EPB41L5: variants seen among roughly 807,000 people sequenced by gnomAD.
EPB41L5 encodes band 4.1-like protein 5.
Under a neutral mutation model 106.6 loss-of-function variants are expected in EPB41L5, and 55 were observed. The ratio of observed to expected loss-of-function variants is 0.52; its 90% CI spans 0.42 to 0.65. EPB41L5 has a LOEUF of 0.65. Among genes scored for constraint, EPB41L5 ranks in the 30% least tolerant of loss-of-function variants. EPB41L5 has a pLI of 0.00. For missense variants in EPB41L5, 871 were observed against 882.1 expected, an observed-to-expected ratio of 0.99 and a Z score of 0.16; for synonymous variants, 297 against 306.7, an observed-to-expected ratio of 0.97 and a Z score of 0.33.
At chr2:120,032,815 A>G (rs191238741) in intron 2 of EPB41L5, among the ~76,000 whole-genome samples, 1 of 152,320 alleles carries the variant, frequency 6.6e-6, no homozygotes, top group East Asian at 1.9e-4. Context: ...TAACATTCAC[A>G]TTTATTGTGT....
chr2:120,147,380 C>T (rs1011486753), intron 20 of EPB41L5, among the ~76,000 whole-genome samples: 1 of 151,966 alleles, frequency 6.6e-6, no homozygotes, highest in Non-Finnish European at 1.5e-5. Flanking sequence ...TGGTGGCTCA[C>T]GCCTGTAGTC....
chr2:120,013,513 C>G (rs907847046), intron 1 of EPB41L5: 2 of 152,246 alleles, frequency 1.3e-5, no homozygotes, highest in Non-Finnish European at 2.9e-5. Flanking sequence ...GACGCGCTCC[C>G]CGAGCCGCGG....
intron 16 of EPB41L5, among the ~76,000 whole-genome samples, chr2:120,125,415 A>G (rs1685414013): frequency 6.6e-6 from 1 of 152,166 alleles, no homozygotes; most frequent in Non-Finnish European, 1.5e-5. Context: ...GGAGGCACTT[A>G]GCTCATGGGA....
At chr2:120,060,168 G>A (rs1680939386) in intron 3 of EPB41L5, among the ~76,000 whole-genome samples, 4 of 152,206 alleles carry the variant, frequency 2.6e-5, no homozygotes, top group Admixed American at 2.6e-4. Flanking sequence ...TGTTGGGATT[G>A]TAAAGTGATA....
intron 14 of EPB41L5, among the ~76,000 whole-genome samples, chr2:120,094,208 A>G (rs1404561415): frequency 6.6e-6 from 1 of 152,044 alleles, no homozygotes; most frequent in Non-Finnish European, 1.5e-5. Flanking sequence ...GCTGGTCTCA[A>G]ACTCCTGGGC....
At chr2:120,052,732 G>A (rs1014392421) in intron 3 of EPB41L5, among the ~76,000 whole-genome samples, 2 of 152,120 alleles carry the variant, frequency 1.3e-5, no homozygotes, top group Non-Finnish European at 2.9e-5. Context: ...ATCTTGCAGT[G>A]CCCTACTCCA....
chr2:120,088,674 T>C (rs1479308217), intron 11 of EPB41L5, among the ~76,000 whole-genome samples: 1 of 152,220 alleles, frequency 6.6e-6, no homozygotes, highest in African/African-American at 2.4e-5. Context: ...CCAAACCTCT[T>C]TCCAAAGTAT....
rs1321310503 is a variant in EPB41L5, at chr2:120,075,688, GT to G, written c.453-9del. 8 of 1,611,200 alleles carry G rather than the reference GT, an allele frequency of 5.0e-6. No individual in the cohort carries two copies. The Admixed American group carries it at 5.0e-5, about 10-fold the overall frequency. ...AAATCAACTTGTCTAACAAACTTGT[GT>G]TTTGGTCTCAGATTAGACTGTCCCT... On this transcript the variant is annotated splice_polypyrimidine_tract_variant and intron_variant, in intron 6 of 24. Transcript: ENST00000263713.
Position 120,057,006 on chromosome 2 carries a change from C to T in EPB41L5, c.285+14896C>T, listed in dbSNP as rs534028872. On this transcript the variant is annotated intron_variant, in intron 3 of 24. Transcript: ENST00000263713. ...CAACCTCCCAGGCTCAAGGGATCCT[C>T]CCATGTCAGCCTCCTGAGTAGTGGG... Among the ~76,000 whole-genome samples, 9 of 152,286 alleles carry T rather than the reference C, an allele frequency of 5.9e-5. No individual in the cohort carries two copies. The South Asian group carries it at 1.9e-3, about 32-fold the overall frequency.
At chr2:120,093,402 G>A in intron 14 of EPB41L5, 126 bp downstream of exon 14, 1 of 782,608 alleles carries the variant, frequency 1.3e-6, no homozygotes, top group Non-Finnish European at 2.2e-6. Flanking sequence ...GGATATGTCA[G>A]GGAATAAATG....
At chr2:120,068,014 G>T (rs982094550) in intron 3 of EPB41L5, among the ~76,000 whole-genome samples, 1 of 152,150 alleles carries the variant, frequency 6.6e-6, no homozygotes, top group South Asian at 2.1e-4. Flanking sequence ...GAACAGCTCC[G>T]GTCTGCAGCT....
chr2:120,076,470 CTTTTT>C (rs35333671), intron 7 of EPB41L5, among the ~76,000 whole-genome samples: 2 of 58,896 alleles, frequency 3.4e-5, no homozygotes, highest in Admixed American at 5.3e-4. Flanking sequence ...AATTTTTGTA[CTTTTT>C]TTTTTTTTTT....
intron 3 of EPB41L5, among the ~76,000 whole-genome samples, 182 bp downstream of exon 3, chr2:120,042,292 T>G (rs1358889481): frequency 6.6e-6 from 1 of 152,200 alleles, no homozygotes; most frequent in Non-Finnish European, 1.5e-5. Context: ...TTAAAAAATG[T>G]GAGTTCTGGT....
rs1315940150 is a variant in EPB41L5, at chr2:120,077,295, G to T, written c.693G>T (p.Gly231=). 1 of 1,611,782 alleles carries T rather than the reference G, an allele frequency of 6.2e-7. No homozygotes were observed. Among genetic ancestry groups the T allele is most frequent in the East Asian group, 2.2e-5 (1 of 44,814 alleles). ...LNKAKWLEMY[G]VDMHVVKARD... ...AAGCCAAATGGCTAGAAATGTATGG[G>T]GTTGATATGCATGTGGTCAAGGTAA... is the stretch of plus-strand genomic sequence containing the variant. Residue 231 remains glycine (G), a synonymous_variant, in exon 9 of 25, where the codon GGG becomes GGT. Coordinates refer to ENST00000263713, the MANE Select transcript of EPB41L5 (RefSeq NM_020909.4).
intron 16 of EPB41L5, among the ~76,000 whole-genome samples, chr2:120,112,542 A>T (rs1056802251): frequency 3.3e-5 from 5 of 152,212 alleles, no homozygotes; most frequent in Non-Finnish European, 5.9e-5. Flanking sequence ...AAGCAAGAAG[A>T]GTAGAAGTGG....
intron 3 of EPB41L5, among the ~76,000 whole-genome samples, chr2:120,046,678 C>T (rs1328020092): frequency 3.3e-5 from 5 of 151,948 alleles, no homozygotes; most frequent in Admixed American, 6.6e-5. Flanking sequence ...ATCTCATTTG[C>T]CAATTTTGGC....
chr2:120,099,332 T>C (rs1016036820), intron 14 of EPB41L5, among the ~76,000 whole-genome samples: 24 of 123,548 alleles, frequency 1.9e-4, no homozygotes, highest in Admixed American at 1.6e-3. Context: ...TCTGTTGTTC[T>C]GTAGTTTCTG....
intron 16 of EPB41L5, among the ~76,000 whole-genome samples, chr2:120,110,237 A>C (rs762402610): frequency 1.3e-5 from 2 of 152,198 alleles, no homozygotes; most frequent in African/African-American, 2.4e-5. Context: ...TAGAGATGTC[A>C]CTATTTTTTA....
chr2:120,177,910 C>T lies in EPB41L5; in HGVS notation c.*3003C>T, dbSNP rs375053281. On this transcript the variant is annotated 3_prime_UTR_variant, in exon 25 of 25. Coordinates refer to ENST00000263713, the MANE Select transcript of EPB41L5 (RefSeq NM_020909.4). ...TTCTCACTTCTGGCTAAAACTTGCA[C>T]CTCTTCTTCTCTTAGCTAAGCCCCA... 4.6e-5 allele frequency: 7 copies of T among 152,322 alleles called. No individual in the cohort carries two copies. In the East Asian group the frequency reaches 1.2e-3, roughly 25 times the overall value. The allele number at this position is 152,322 out of a possible 1,614,324, so 9.4% of individuals were successfully genotyped here.
Sources: gnomAD v4.1 joint callset for allele counts (sites outside exome capture counted in the v4.1 genomes callset) on GRCh38, gnomAD v4.1.1 for gene constraint, MANE v1.5 for transcripts, NCBI Gene and HGNC (gene_info 2026-07-23, HGNC 2026-07-21) for gene names.